SYT16: variants seen among roughly 807,000 people sequenced by gnomAD.
The protein encoded by SYT16 is synaptotagmin-16.
SYT16 carries 42 observed loss-of-function variants against 61.4 expected under a neutral mutation model. The observed-to-expected ratio is 0.68, with a 90% CI of 0.53 to 0.89. The LOEUF is 0.89. Ranked by LOEUF, SYT16 falls within the 40% of genes least tolerant of loss-of-function variation. The pLI, the probability that SYT16 is intolerant of heterozygous loss-of-function variation, is 0.00. For missense variants in SYT16, 804 were observed against 807.3 expected, an observed-to-expected ratio of 1.00 and a Z score of 0.05; for synonymous variants, 314 against 302.3, an observed-to-expected ratio of 1.04 and a Z score of -0.40.
chr14:61,942,762 G>A (rs928615441), intron 1 of SYT16, among the ~76,000 whole-genome samples: 2 of 152,178 alleles, frequency 1.3e-5, no homozygotes, highest in African/African-American at 4.8e-5. Flanking sequence ...ATTTGTTTGT[G>A]TTCTAGGGTA....
chr14:62,082,749 G>T (rs963792276), intron 6 of SYT16, among the ~76,000 whole-genome samples: 2 of 152,322 alleles, frequency 1.3e-5, no homozygotes, highest in East Asian at 3.9e-4. Context: ...TTGGGAATGG[G>T]GATGATCACA....
At chr14:61,994,535 AG>A (rs1230461395) in intron 2 of SYT16, among the ~76,000 whole-genome samples, 1 of 152,188 alleles carries the variant, frequency 6.6e-6, no homozygotes, top group African/African-American at 2.4e-5. Flanking sequence ...AGTTTCAAAA[AG>A]GTGTTAATTG....
chr14:61,911,635 G>A (rs1381593868), intron 1 of SYT16, among the ~76,000 whole-genome samples: 3 of 152,152 alleles, frequency 2.0e-5, no homozygotes, highest in Admixed American at 1.3e-4. Flanking sequence ...AAAATTGAAA[G>A]CATTAAAATC....
In SYT16 at chr14:62,106,297, CAGT is replaced by C. The variant is rs1349684764; in HGVS notation, c.*5593_*5595del. The C allele has an allele frequency of 6.6e-6, 1 of 152,142 alleles. No individual in the cohort carries two copies. The highest frequency in any genetic ancestry group is 1.5e-5 in the Non-Finnish European group (1 of 68,046). 9.4% of individuals were successfully genotyped at this position (152,142 alleles called of 1,614,324 possible). A position where few individuals can be genotyped will look rare whatever the true frequency, so the allele number is the denominator to read the frequency against. On this transcript the variant is annotated 3_prime_UTR_variant, in exon 8 of 8. Transcript: ENST00000683842. ...AGTTAGTCTAACTATGTGCCATAAACAGTAGAGTTCCTTGTTACTAGTATTGGA... is the reference window on the plus strand; with the variant it reads ...AGTTAGTCTAACTATGTGCCATAAACAGAGTTCCTTGTTACTAGTATTGGA...
At chr14:62,065,636 TA>T (rs2140931006) in intron 3 of SYT16, among the ~76,000 whole-genome samples, 1 of 152,310 alleles carries the variant, frequency 6.6e-6, no homozygotes, top group African/African-American at 2.4e-5. Context: ...AAAATTGGCC[TA>T]AAAATATAAA....
Position 61,930,577 on chromosome 14 carries a change from C to T in SYT16, c.-324-39555C>T, listed in dbSNP as rs541787322. Among the ~76,000 whole-genome samples the T allele has an allele frequency of 2.6e-5, 4 of 152,020 alleles. No homozygotes were observed. The South Asian group carries it at 6.3e-4, about 24-fold the overall frequency. ...TAATTTTTAAATGGTTCTAGTAGGC[C>T]GAATAGTGCCCCACATCCCCTCAAG... On this transcript the variant is annotated intron_variant, in intron 1 of 7. Coordinates refer to ENST00000683842, the MANE Select transcript of SYT16 (RefSeq NM_001367656.1).
intron 1 of SYT16, among the ~76,000 whole-genome samples, chr14:61,926,151 C>T (rs1208951069): frequency 6.6e-6 from 1 of 152,098 alleles, no homozygotes; most frequent in Non-Finnish European, 1.5e-5. Flanking sequence ...CAATAGAAGT[C>T]AAGTTGTGAC....
chr14:61,963,058 A>G (rs943127078), intron 1 of SYT16, among the ~76,000 whole-genome samples: 7 of 152,212 alleles, frequency 4.6e-5, no homozygotes, highest in African/African-American at 1.7e-4. Flanking sequence ...ATCGATAAAT[A>G]TTGTGTAAGT....
At chr14:62,023,463 A>G (rs2053986749) in intron 3 of SYT16, among the ~76,000 whole-genome samples, 1 of 152,052 alleles carries the variant, frequency 6.6e-6, no homozygotes, top group Admixed American at 6.6e-5. Context: ...ACTTGGGGGA[A>G]ATTTTTACTC....
intron 2 of SYT16, among the ~76,000 whole-genome samples, chr14:61,989,217 T>C (rs1315203758): frequency 6.6e-6 from 1 of 152,184 alleles, no homozygotes; most frequent in Non-Finnish European, 1.5e-5. Context: ...TTTTGAAATA[T>C]GATGAATTTG....
At chr14:62,031,966 AG>A (rs768425379) in intron 3 of SYT16, among the ~76,000 whole-genome samples, 222 of 152,292 alleles carry the variant, frequency 1.5e-3, no homozygotes, top group Non-Finnish European at 2.0e-3. Context: ...CTAAAATCTA[AG>A]AAAGGCAGCA....
intron 3 of SYT16, among the ~76,000 whole-genome samples, chr14:62,025,546 A>G (rs766589954): frequency 2.0e-5 from 3 of 152,100 alleles, no homozygotes; most frequent in Admixed American, 6.6e-5. Context: ...AGTCTGTGGC[A>G]TGTCTTATGG....
At chr14:61,920,172 T>G (rs2049276572) in intron 1 of SYT16, among the ~76,000 whole-genome samples, 1 of 152,208 alleles carries the variant, frequency 6.6e-6, no homozygotes, top group South Asian at 2.1e-4. Context: ...CCTTGTTGGT[T>G]GCTTCCTCCT....
At chr14:61,968,387 C>G (rs951296047) in intron 1 of SYT16, among the ~76,000 whole-genome samples, 4 of 151,958 alleles carry the variant, frequency 2.6e-5, no homozygotes, top group African/African-American at 9.7e-5. Flanking sequence ...ATGGGAGACA[C>G]CTGGTTCATT....
At chr14:62,075,468 TA>T (rs35857227) in intron 5 of SYT16, 77 bp downstream of exon 5, 220,492 of 1,120,374 alleles carry the variant, frequency 0.2, 2,676 homozygotes, top group African/African-American at 0.23. Context: ...CTCATCTCTC[TA>T]AAAAAAAAAA....
At chr14:62,063,825 T>C (rs1442589191) in intron 3 of SYT16, among the ~76,000 whole-genome samples, 1 of 152,226 alleles carries the variant, frequency 6.6e-6, no homozygotes, top group African/African-American at 2.4e-5. Flanking sequence ...TGCCTGCCAG[T>C]GCAAGAAGCC....
chr14:62,071,342 G>C (rs540654519), intron 4 of SYT16, among the ~76,000 whole-genome samples: 1 of 152,162 alleles, frequency 6.6e-6, no homozygotes, highest in Admixed American at 6.5e-5. Context: ...TCTGGCTTCT[G>C]ATTTACACAA....
intron 3 of SYT16, among the ~76,000 whole-genome samples, chr14:62,049,193 G>T (rs2055149577): frequency 1.3e-5 from 2 of 152,154 alleles, no homozygotes; most frequent in Non-Finnish European, 2.9e-5. Flanking sequence ...AGGATAGTTA[G>T]CTCTTCTTGT....
At chr14:61,944,058 CA>C (rs2050320014) in intron 1 of SYT16, among the ~76,000 whole-genome samples, 1 of 152,122 alleles carries the variant, frequency 6.6e-6, no homozygotes, top group Non-Finnish European at 1.5e-5. Context: ...AATCAGTGTG[CA>C]AAAATCACAA....
Sources: allele counts gnomAD v4.1 joint callset (sites outside exome capture counted in the v4.1 genomes callset), GRCh38; gene constraint gnomAD v4.1.1; transcripts MANE v1.5; gene names NCBI Gene and HGNC (gene_info 2026-07-23, HGNC 2026-07-21).